Variants in POLR3B observed in about 807,000 individuals in gnomAD.
POLR3B encodes RNA polymerase III subunit B.
Under a neutral mutation model 147.4 loss-of-function variants are expected in POLR3B, and 96 were observed. The observed-to-expected ratio is 0.65, with a 90% CI of 0.55 to 0.77. The LOEUF is 0.77. Ranked by LOEUF, POLR3B falls within the 30% of genes least tolerant of loss-of-function variation. POLR3B has a pLI of 0.00. For missense variants in POLR3B, 1,036 were observed against 1,413.5 expected (o/e 0.73, Z 4.28); for synonymous variants, 461 against 485.9 (o/e 0.95, Z 0.67).
chr12:106,433,472 T>G (rs1206343026), intron 15 of POLR3B, among the ~76,000 whole-genome samples: 1 of 152,206 alleles, frequency 6.6e-6, no homozygotes, highest in African/African-American at 2.4e-5. Context: ...GCCCCAGCAC[T>G]GTGCTGAAAG....
intron 27 of POLR3B, among the ~76,000 whole-genome samples, chr12:106,506,311 G>A (rs1374662251): frequency 2.0e-5 from 3 of 152,104 alleles, no homozygotes; most frequent in Non-Finnish European, 4.4e-5. Context: ...TCGAAAGGAT[G>A]GTACAGAAGA....
Position 106,484,845 on chromosome 12 carries a change from C to T in POLR3B, c.2714-11210C>T, listed in dbSNP as rs1365080503. Among the ~76,000 whole-genome samples, 4 of 151,576 alleles carry T rather than the reference C, an allele frequency of 2.6e-5. No individual in the cohort carries two copies. In the South Asian group the frequency reaches 6.3e-4, roughly 24 times the overall value. On this transcript the variant is annotated intron_variant, in intron 23 of 27. Coordinates refer to ENST00000228347, the MANE Select transcript of POLR3B (RefSeq NM_018082.6). The stretch of plus-strand genomic sequence containing the variant: ...TCATTAGGGTAAGAGTTCTGAGGCA[C>T]GAATAAGCTTGGTATATTCAAGGAA...
chr12:106,393,471 G>T (rs2036939915), intron 10 of POLR3B, among the ~76,000 whole-genome samples: 1 of 148,528 alleles, frequency 6.7e-6, no homozygotes, highest in Admixed American at 6.8e-5. Flanking sequence ...TTAAACTATG[G>T]CAACTCTCGT....
chr12:106,479,743 G>A (rs558513966), intron 23 of POLR3B, among the ~76,000 whole-genome samples: 1 of 148,386 alleles, frequency 6.7e-6, no homozygotes, highest in Non-Finnish European at 1.5e-5. Flanking sequence ...TTAGTTTTTT[G>A]GTTTTTCTTT....
At chr12:106,408,326 C>T (rs147686448) in intron 11 of POLR3B, among the ~76,000 whole-genome samples, 2 of 152,246 alleles carry the variant, frequency 1.3e-5, no homozygotes, top group Admixed American at 1.3e-4. Context: ...TGAGGGTGGG[C>T]CTGCAGAGGC....
intron 19 of POLR3B, among the ~76,000 whole-genome samples, chr12:106,449,309 G>C: frequency 6.6e-6 from 1 of 152,000 alleles, no homozygotes; most frequent in South Asian, 2.1e-4. Flanking sequence ...GCATGTTGGC[G>C]CTCAAAAAGT....
In POLR3B at chr12:106,380,467, C is replaced by T. The variant is rs1159250846; in HGVS notation, c.723+328C>T. Among the ~76,000 whole-genome samples, 5 of 150,720 alleles carry T rather than the reference C, an allele frequency of 3.3e-5. No individual in the cohort carries two copies. In the East Asian group the frequency reaches 9.7e-4, roughly 29 times the overall value. ...GTGTGGTGGTGTGCATCTCTACTTC[C>T]AGCCACTCAGGAGGCTGAGGTGGGA... On this transcript the variant is annotated intron_variant, in intron 9 of 27. Transcript: ENST00000228347.
chr12:106,483,008 A>G (rs2038290438), intron 23 of POLR3B, among the ~76,000 whole-genome samples: 1 of 152,042 alleles, frequency 6.6e-6, no homozygotes, highest in Non-Finnish European at 1.5e-5. Context: ...CCCAACCCTA[A>G]CTGATCACAC....
intron 2 of POLR3B, among the ~76,000 whole-genome samples, chr12:106,365,136 A>G (rs1227934165): frequency 1.3e-5 from 2 of 152,046 alleles, no homozygotes; most frequent in Non-Finnish European, 2.9e-5. Context: ...TTCCGTCTCA[A>G]AAAAAGAAAA....
chr12:106,437,979 T>C (rs1204511414), intron 18 of POLR3B, among the ~76,000 whole-genome samples, 200 bp downstream of exon 18: 1 of 152,172 alleles, frequency 6.6e-6, no homozygotes, highest in Non-Finnish European at 1.5e-5. Context: ...GCTGTACCTA[T>C]CAACCCATCA....
At chr12:106,475,063 G>A (rs1439478327) in intron 23 of POLR3B, among the ~76,000 whole-genome samples, 1 of 132,720 alleles carries the variant, frequency 7.5e-6, no homozygotes, top group African/African-American at 3.3e-5. Context: ...CTGGTATGTT[G>A]TGTCTTTGTT....
At chr12:106,398,556 C>T (rs552594408) in intron 10 of POLR3B, among the ~76,000 whole-genome samples, 4 of 152,324 alleles carry the variant, frequency 2.6e-5, no homozygotes, top group African/African-American at 9.6e-5. Flanking sequence ...CCCTGACCCC[C>T]GAATAGCCTA....
At chr12:106,463,186 T>C (rs1239563979) in intron 22 of POLR3B, among the ~76,000 whole-genome samples, 1 of 152,222 alleles carries the variant, frequency 6.6e-6, no homozygotes, top group Non-Finnish European at 1.5e-5. Context: ...TTGGACAAGT[T>C]ACTTAACCCC....
At chr12:106,447,217 G>A (rs1168758426) in intron 19 of POLR3B, among the ~76,000 whole-genome samples, 1 of 152,068 alleles carries the variant, frequency 6.6e-6, no homozygotes, top group African/African-American at 2.4e-5. Context: ...TAGCCAATCT[G>A]GAAAATTTGC....
intron 17 of POLR3B, among the ~76,000 whole-genome samples, 165 bp downstream of exon 17, chr12:106,437,296 C>A (rs1469448227): frequency 6.6e-6 from 1 of 152,196 alleles, no homozygotes; most frequent in African/African-American, 2.4e-5. Flanking sequence ...GTAAAATATT[C>A]ATCAATTTAG....
intron 23 of POLR3B, among the ~76,000 whole-genome samples, chr12:106,482,447 A>G (rs1036042547): frequency 6.6e-6 from 1 of 152,184 alleles, no homozygotes; most frequent in Non-Finnish European, 1.5e-5. Flanking sequence ...GAAAGTTACA[A>G]TCATGGCAGA....
Position 106,509,415 on chromosome 12 carries a change from T to C in POLR3B, c.3273-5T>C, listed in dbSNP as rs1396241396. 6.2e-7 allele frequency: 1 copy of C among 1,613,688 alleles called. No individual in the cohort carries two copies. The highest frequency in any genetic ancestry group is 1.7e-5 in the Admixed American group (1 of 60,012). On this transcript the variant is annotated splice_polypyrimidine_tract_variant and splice_region_variant and intron_variant, in intron 27 of 27. Coordinates refer to ENST00000228347, the MANE Select transcript of POLR3B (RefSeq NM_018082.6). ...CTGTCTAACGCTTGCTGACTTGCGT[T>C]TCAGGTGCCATTACTGCAAGTCATC...
intron 23 of POLR3B, among the ~76,000 whole-genome samples, chr12:106,477,836 C>T (rs1270227924): frequency 5.4e-5 from 8 of 147,190 alleles, no homozygotes; most frequent in Non-Finnish European, 1.0e-4. Context: ...GCGTCGCTCA[C>T]GGGCTGGGAG....
chr12:106,405,050 T>A (rs1232394033), intron 10 of POLR3B, among the ~76,000 whole-genome samples: 1 of 152,202 alleles, frequency 6.6e-6, no homozygotes, highest in Non-Finnish European at 1.5e-5. Flanking sequence ...TAGTATGTGT[T>A]TATTTCTGGA....
Sources: gnomAD v4.1 joint callset for allele counts (sites outside exome capture counted in the v4.1 genomes callset) on GRCh38, gnomAD v4.1.1 for gene constraint, MANE v1.5 for transcripts, NCBI Gene and HGNC (gene_info 2026-07-23, HGNC 2026-07-21) for gene names.